ADAM28: variants seen among roughly 807,000 people sequenced by gnomAD.
ADAM28 encodes ADAM metallopeptidase domain 28.
Under a neutral mutation model 101.2 loss-of-function variants are expected in ADAM28, and 105 were observed. That is an observed-to-expected ratio of 1.04 (90% confidence interval 0.89 to 1.22). The LOEUF is 1.22. Ranked by LOEUF, ADAM28 falls within the 50% of genes most tolerant of loss-of-function variation. The pLI is 0.00. For missense variants in ADAM28, 1,028 were observed against 945.4 expected (o/e 1.09, Z -1.15); for synonymous variants, 322 against 310.6 (o/e 1.04, Z -0.39).
chr8:24,335,624 C>T lies in ADAM28; in HGVS notation c.1550C>T (p.Thr517Ile). The T allele has an allele frequency of 1.2e-6, 2 of 1,610,724 alleles. No individual in the cohort carries two copies. Among genetic ancestry groups the T allele is most frequent in the South Asian group, 1.1e-5 (1 of 90,412 alleles). ...GTCPTLQEQC[T>I]ELWGPGTEVA... ...TGCCCCACACTGCAGGAGCAGTGCA[C>T]AGAGCTGTGGGGACCAGGTAGGAGG... Residue 517 changes from threonine (T) to isoleucine (I), a missense_variant, in exon 14 of 23, where the codon ACA becomes ATA. By Grantham distance (89) the Thr-to-Ile change is moderately conservative. Transcript: ENST00000265769.
At chr8:24,294,702 T>G (rs892218033) in intron 1 of ADAM28, among the ~76,000 whole-genome samples, 2 of 152,176 alleles carry the variant, frequency 1.3e-5, no homozygotes, top group African/African-American at 4.8e-5. Context: ...TGGAAATAAT[T>G]AATATTTTTT....
intron 22 of ADAM28, 66 bp from the exon 23 acceptor site, chr8:24,354,318 C>A: frequency 2.2e-6 from 3 of 1,350,922 alleles, no homozygotes; most frequent in Non-Finnish European, 2.1e-6. Context: ...CATAGTTCAG[C>A]TTCATAATAG....
In ADAM28 at chr8:24,300,065, G is replaced by A; in HGVS notation, c.138G>A (p.Glu46=). 3.1e-6 allele frequency: 5 copies of A among 1,613,400 alleles called. No individual in the cohort carries two copies. The highest frequency in any genetic ancestry group is 4.2e-6 in the Non-Finnish European group (5 of 1,179,828). The part of the protein sequence containing the change: ...LHPLHKREAK[E]PEQQEQFETE... ...CACTGCATAAAAGAGAGGCCAAAGA[G>A]CCAGAGCAACAGGTACAGCTTTTGA... Residue 46 remains glutamate (E), a synonymous_variant, in exon 2 of 23, where the codon GAG becomes GAA. Transcript: ENST00000265769.
intron 18 of ADAM28, among the ~76,000 whole-genome samples, chr8:24,343,847 T>A (rs1047946100): frequency 1.3e-5 from 2 of 152,206 alleles, no homozygotes; most frequent in Non-Finnish European, 2.9e-5. Flanking sequence ...ATTTTCTTAC[T>A]TTAGGACTCT....
At chr8:24,345,409 T>G (rs1168020600) in intron 18 of ADAM28, among the ~76,000 whole-genome samples, 1 of 152,040 alleles carries the variant, frequency 6.6e-6, no homozygotes, top group Non-Finnish European at 1.5e-5. Flanking sequence ...TCTGGGGAAG[T>G]TTTTCAAGAT....
intron 17 of ADAM28, 37 bp from the exon 18 acceptor site, chr8:24,343,469 C>T: frequency 1.2e-6 from 2 of 1,600,466 alleles, no homozygotes; most frequent in African/African-American, 1.3e-5. Context: ...TTCTGGTCAG[C>T]CTAGCGGGGA....
rs959749731 is a variant in ADAM28 at position 24,349,853 on chromosome 8, C to G, written c.1991-11C>G. The G allele has an allele frequency of 7.4e-6, 12 of 1,612,476 alleles. No individual in the cohort carries two copies. The highest frequency in any genetic ancestry group is 1.7e-5 in the Admixed American group (1 of 59,982). ...CTGCAGTCCTCAGCGGGCCCCTGTT[C>G]TCTGCTGCAGACTTCTCCATTGTGG... On this transcript the variant is annotated splice_polypyrimidine_tract_variant and intron_variant, in intron 18 of 22. Coordinates refer to ENST00000265769, the MANE Select transcript of ADAM28 (RefSeq NM_014265.6).
intron 6 of ADAM28, among the ~76,000 whole-genome samples, chr8:24,316,753 A>C (rs78239999): frequency 8.0e-4 from 122 of 152,122 alleles, no homozygotes; most frequent in African/African-American, 2.7e-3. Flanking sequence ...GACACATTCA[A>C]CTTGGAAATG....
intron 9 of ADAM28, among the ~76,000 whole-genome samples, chr8:24,325,586 C>T (rs1252532099): frequency 6.6e-6 from 1 of 151,750 alleles, no homozygotes; most frequent in Middle Eastern, 3.4e-3. Context: ...TAAAAGAGAA[C>T]AGGTATCATA....
intron 2 of ADAM28, chr8:24,308,880 A>G: frequency 2.9e-6 from 1 of 340,188 alleles, no homozygotes; most frequent in South Asian, 2.3e-5. Context: ...CATACCGGCC[A>G]GAAGGGGAGG....
At chr8:24,304,932 T>TAG (rs879860082) in intron 2 of ADAM28, among the ~76,000 whole-genome samples, 2 of 147,554 alleles carry the variant, frequency 1.4e-5, no homozygotes, top group Non-Finnish European at 1.5e-5. Flanking sequence ...AAAAAAAAAA[T>TAG]AGATTATGCT....
chr8:24,311,913 A>G (rs1345038532), intron 5 of ADAM28, among the ~76,000 whole-genome samples: 1 of 152,022 alleles, frequency 6.6e-6, no homozygotes, highest in African/African-American at 2.4e-5. Context: ...TAGGTTTTGT[A>G]TTTTTAATAG....
chr8:24,296,946 T>G (rs985816689), intron 1 of ADAM28, among the ~76,000 whole-genome samples: 3 of 152,308 alleles, frequency 2.0e-5, no homozygotes, highest in Middle Eastern at 6.8e-3. Flanking sequence ...GTCTGTTACA[T>G]CCCTACAATG....
chr8:24,307,854 T>C (rs1563272379), intron 2 of ADAM28, among the ~76,000 whole-genome samples: 1 of 152,210 alleles, frequency 6.6e-6, no homozygotes, highest in Non-Finnish European at 1.5e-5. Flanking sequence ...GATTGAGAAT[T>C]CTTTCAGGCC....
intron 6 of ADAM28, among the ~76,000 whole-genome samples, chr8:24,314,316 T>C (rs1294788512): frequency 1.3e-5 from 2 of 152,170 alleles, no homozygotes; most frequent in South Asian, 4.1e-4. Flanking sequence ...GCTGGGAAGA[T>C]AGAAATGAGC....
At chr8:24,320,426 T>C in intron 7 of ADAM28, 119 bp downstream of exon 7, 1 of 710,004 alleles carries the variant, frequency 1.4e-6, no homozygotes, top group East Asian at 2.8e-5. Flanking sequence ...GAGCTATGGT[T>C]ACATGTTCTT....
chr8:24,351,176 C>T, intron 19 of ADAM28, 56 bp from the exon 20 acceptor site: 1 of 1,371,984 alleles, frequency 7.3e-7, no homozygotes, highest in Non-Finnish European at 9.8e-7. Flanking sequence ...CGGAGTTTCC[C>T]TGTCATGCTG....
chr8:24,325,179 C>A (rs1296624211), intron 9 of ADAM28: 2 of 151,898 alleles, frequency 1.3e-5, no homozygotes, highest in Non-Finnish European at 2.9e-5. Flanking sequence ...GGGAGCCAGA[C>A]AAATTGCTGA....
At position 24,299,973 on chromosome 8, in the gene ADAM28, G is replaced by A; in HGVS notation, c.47-1G>A. 3 of 1,606,916 alleles carry A rather than the reference G, an allele frequency of 1.9e-6. No homozygotes were observed. Among genetic ancestry groups the A allele is most frequent in the Non-Finnish European group, 2.5e-6 (3 of 1,178,314 alleles). On this transcript the variant is annotated splice_acceptor_variant, in intron 1 of 22. Transcript: ENST00000265769. LOFTEE classifies it high-confidence loss of function. ...AGTCTTTTCTTTTTCTTTTTTCTCA[G>A]TAAGTGCTATAAAAGAACTCCCTGG...
Sources: allele counts gnomAD v4.1 joint callset (sites outside exome capture counted in the v4.1 genomes callset), GRCh38; gene constraint gnomAD v4.1.1; transcripts MANE v1.5; gene names NCBI Gene and HGNC (gene_info 2026-07-23, HGNC 2026-07-21).